PTPN4: variants seen among roughly 807,000 people sequenced by gnomAD.
The protein encoded by PTPN4 is tyrosine-protein phosphatase non-receptor type 4.
A neutral mutation model predicts 135.5 loss-of-function variants in PTPN4; 49 were observed. That is an observed-to-expected ratio of 0.36 (90% CI 0.29 to 0.46). The LOEUF is 0.46. Ranked by LOEUF, PTPN4 falls within the 20% of genes least tolerant of loss-of-function variation. The pLI is 1.00. For synonymous variants in PTPN4, 333 were observed against 369.9 expected, an observed-to-expected ratio of 0.90 and a Z score of 1.14; for missense variants, 860 against 1,101.0, an observed-to-expected ratio of 0.78 and a Z score of 3.10.
At chr2:119,951,555 G>A (rs72840419) in intron 18 of PTPN4, among the ~76,000 whole-genome samples, 3,165 of 152,284 alleles carry the variant, frequency 0.021, 59 homozygotes, top group Non-Finnish European at 0.033. Flanking sequence ...TTTATGTAGT[G>A]ATTTTTGTGT....
rs530649719 is a variant in PTPN4, at chr2:119,840,623, C to G, written c.139-21913C>G. 3.9e-5 allele frequency among the ~76,000 whole-genome samples: 6 copies of G among 152,290 alleles called. No homozygotes were observed. The East Asian group carries it at 1.2e-3, about 29-fold the overall frequency. On this transcript the variant is annotated intron_variant, in intron 2 of 26. Coordinates refer to ENST00000263708, the MANE Select transcript of PTPN4 (RefSeq NM_002830.4). Reference sequence around the variant, plus strand: ...GTACCCAGTAATGGGATTGCTGGGTCAAATGGTATTTCTGCCTCTAGGTCT... The same window carrying G: ...GTACCCAGTAATGGGATTGCTGGGTGAAATGGTATTTCTGCCTCTAGGTCT...
At chr2:119,797,482 A>G (rs1691282692) in intron 1 of PTPN4, among the ~76,000 whole-genome samples, 1 of 152,136 alleles carries the variant, frequency 6.6e-6, no homozygotes. Context: ...TTTGTTCCTG[A>G]TATTAGATGA....
intron 19 of PTPN4, among the ~76,000 whole-genome samples, chr2:119,952,816 T>G (rs965169723): frequency 2.0e-5 from 3 of 152,182 alleles, no homozygotes; most frequent in Admixed American, 6.5e-5. Flanking sequence ...ATTGCACGAA[T>G]TTCCTCCACA....
At chr2:119,895,717 C>T (rs1030485662) in intron 9 of PTPN4, among the ~76,000 whole-genome samples, 5 of 151,872 alleles carry the variant, frequency 3.3e-5, no homozygotes, top group Non-Finnish European at 7.4e-5. Context: ...GTCAGGAGAT[C>T]GAGACCATCC....
chr2:119,902,502 G>A (rs1352818280), intron 10 of PTPN4, among the ~76,000 whole-genome samples: 1 of 152,198 alleles, frequency 6.6e-6, no homozygotes, highest in Admixed American at 6.5e-5. Flanking sequence ...AAGCAGAGAG[G>A]GGACTTCAAG....
rs1010909611 is a variant in PTPN4, at chr2:119,760,402, C to T, written c.-18+18C>T. On this transcript the variant is annotated intron_variant, in intron 1 of 26. Transcript: ENST00000263708. ...ATACGAAGGTAAGAGGTTCTCCGGT[C>T]CCCGCCGGCCTCTCGGCCCTGCACG... 1 of 387,454 alleles carries T rather than the reference C, an allele frequency of 2.6e-6. No homozygotes were observed. The highest frequency in any genetic ancestry group is 2.1e-5 in the African/African-American group (1 of 48,110). The allele number at this position is 387,454 out of a possible 1,614,324, so 24.0% of individuals were successfully genotyped here. A position where few individuals can be genotyped will look rare whatever the true frequency, so the allele number is the denominator to read the frequency against.
chr2:119,766,509 T>A (rs77425871), intron 1 of PTPN4, among the ~76,000 whole-genome samples: 3,638 of 149,946 alleles, frequency 0.024, 154 homozygotes, highest in African/African-American at 0.083. Flanking sequence ...TGTGTGTGTG[T>A]GAAATATCTC....
At chr2:119,847,311 C>CATATAT (rs1258221523) in intron 2 of PTPN4, among the ~76,000 whole-genome samples, 3 of 108,696 alleles carry the variant, frequency 2.8e-5, no homozygotes, top group Admixed American at 9.8e-5. Flanking sequence ...CACACACACA[C>CATATAT]ACACATATAT....
intron 2 of PTPN4, among the ~76,000 whole-genome samples, chr2:119,842,354 A>C (rs575252096): frequency 2.0e-5 from 3 of 152,354 alleles, no homozygotes; most frequent in Non-Finnish European, 4.4e-5. Flanking sequence ...AGTAGGGTTC[A>C]AGACTAAGAA....
chr2:119,945,090 G>C lies in PTPN4; in HGVS notation c.1365G>C (p.Glu455Asp), dbSNP rs771869265. The C allele has an allele frequency of 6.9e-6, 11 of 1,594,440 alleles. 1 individual carries two copies. The South Asian group carries it at 9.4e-5, about 14-fold the overall frequency. Reference sequence around the variant, plus strand: ...TTGTTTTCTTGTCTAGATCACAAGAGACCCCTGGAGATGGGAAGCCTCCAG... The same window carrying C: ...TTGTTTTCTTGTCTAGATCACAAGACACCCCTGGAGATGGGAAGCCTCCAG... ...SIVLESSPSQ[E>D]TPGDGKPPAL... Residue 455 changes from glutamate (E) to aspartate (D), a missense_variant, in exon 16 of 27, where the codon GAG (glutamate) becomes GAC (aspartate). Physicochemically the swap from Glu to Asp is conservative, Grantham distance 45. Around this residue, in one of 2 missense-constraint regions of PTPN4, gnomAD observed 684 missense variants for 807.0 expected, o/e 0.85. Coordinates refer to ENST00000263708, the MANE Select transcript of PTPN4 (RefSeq NM_002830.4).
chr2:119,940,919 C>T (rs920377007), intron 15 of PTPN4, among the ~76,000 whole-genome samples: 4 of 151,880 alleles, frequency 2.6e-5, no homozygotes, highest in African/African-American at 9.7e-5. Flanking sequence ...TCTCACTTTC[C>T]CTAACTCAGA....
intron 1 of PTPN4, among the ~76,000 whole-genome samples, chr2:119,787,257 G>C (rs1386701671): frequency 1.3e-5 from 2 of 152,188 alleles, no homozygotes; most frequent in Non-Finnish European, 2.9e-5. Context: ...GTTGGGGAAG[G>C]ACATTGAGGG....
chr2:119,842,038 T>G (rs1302686714), intron 2 of PTPN4, among the ~76,000 whole-genome samples: 1 of 152,196 alleles, frequency 6.6e-6, no homozygotes, highest in Non-Finnish European at 1.5e-5. Context: ...AAACTAAGAA[T>G]GAATAATTTG....
intron 1 of PTPN4, among the ~76,000 whole-genome samples, chr2:119,804,106 C>A (rs571402001): frequency 5.9e-5 from 9 of 152,070 alleles, no homozygotes; most frequent in African/African-American, 2.2e-4. Flanking sequence ...CCCACTCCGC[C>A]AATCACTGTC....
intron 2 of PTPN4, among the ~76,000 whole-genome samples, chr2:119,855,745 C>T (rs533054252): frequency 1.3e-5 from 2 of 152,286 alleles, no homozygotes; most frequent in East Asian, 1.9e-4. Flanking sequence ...GAGCAAGCAT[C>T]ATACAAGGGT....
At chr2:119,783,237 A>G (rs1427240089) in intron 1 of PTPN4, among the ~76,000 whole-genome samples, 1 of 152,198 alleles carries the variant, frequency 6.6e-6, no homozygotes, top group African/African-American at 2.4e-5. Flanking sequence ...GAAAGGTTAG[A>G]AAAACTGGGG....
intron 2 of PTPN4, among the ~76,000 whole-genome samples, chr2:119,840,422 C>T (rs112135781): frequency 3.3e-5 from 5 of 152,268 alleles, no homozygotes; most frequent in Admixed American, 2.0e-4. Context: ...CCATTCATGT[C>T]CTTGCAAAGG....
intron 1 of PTPN4, among the ~76,000 whole-genome samples, chr2:119,791,602 T>A (rs1691149849): frequency 6.6e-6 from 1 of 152,242 alleles, no homozygotes; most frequent in Admixed American, 6.5e-5. Context: ...ATACTTTGAA[T>A]GTATCATCCT....
At chr2:119,927,834 C>G (rs1196766481) in intron 13 of PTPN4, among the ~76,000 whole-genome samples, 2 of 152,142 alleles carry the variant, frequency 1.3e-5, no homozygotes, top group East Asian at 3.8e-4. Flanking sequence ...GTTCTTAAGT[C>G]TTTATCTAAG....
Sources: gnomAD v4.1 joint callset for allele counts (sites outside exome capture counted in the v4.1 genomes callset) on GRCh38, gnomAD v4.1.1 for gene constraint, gnomAD v4.1.1 regional missense constraint, MANE v1.5 for transcripts, NCBI Gene and HGNC (gene_info 2026-07-23, HGNC 2026-07-21) for gene names.